Variants in GABBR2 observed in about 807,000 individuals in gnomAD.
GABBR2 encodes G-protein coupled receptor 51.
GABBR2 carries 23 observed loss-of-function variants against 105.6 expected under a neutral mutation model. The ratio of observed to expected loss-of-function variants is 0.22; its 90% CI spans 0.16 to 0.31. The LOEUF is 0.31. Ranked by LOEUF, GABBR2 falls within the 10% of genes least tolerant of loss-of-function variation. The probability of loss-of-function intolerance (pLI) is 1.00; values close to 1 mark genes in which losing one functional copy is unlikely to be tolerated. For synonymous variants in GABBR2, 478 were observed against 499.7 expected, an observed-to-expected ratio of 0.96 and a Z score of 0.58; for missense variants, 734 against 1,245.5, an observed-to-expected ratio of 0.59 and a Z score of 6.18.
chr9:98,608,353 CCTA>C (rs1426350541), intron 1 of GABBR2, among the ~76,000 whole-genome samples: 1 of 152,166 alleles, frequency 6.6e-6, no homozygotes, highest in African/African-American at 2.4e-5. Context: ...CTCTACTTTT[CCTA>C]CTTTTTCTTT....
chr9:98,681,160 T>C (rs1026953364), intron 1 of GABBR2, among the ~76,000 whole-genome samples: 22 of 147,408 alleles, frequency 1.5e-4, no homozygotes, highest in Non-Finnish European at 3.1e-4. Context: ...TATTGCGGCA[T>C]TATTCACAAT....
intron 5 of GABBR2, among the ~76,000 whole-genome samples, chr9:98,479,708 T>C (rs1278375988): frequency 6.6e-5 from 10 of 152,120 alleles, no homozygotes; most frequent in Non-Finnish European, 1.3e-4. Context: ...CTAGGTGGGG[T>C]CTCTCCAGCA....
At chr9:98,339,152 AG>A (rs1462166374) in intron 13 of GABBR2, among the ~76,000 whole-genome samples, 1 of 152,138 alleles carries the variant, frequency 6.6e-6, no homozygotes, top group South Asian at 2.1e-4. Flanking sequence ...GGATAAAAGA[AG>A]GTTTCTTTTT....
intron 13 of GABBR2, among the ~76,000 whole-genome samples, chr9:98,325,857 C>T (rs1248538507): frequency 6.6e-6 from 1 of 152,206 alleles, no homozygotes; most frequent in Non-Finnish European, 1.5e-5. Flanking sequence ...TGTTCTCACA[C>T]ATATACATGC....
At chr9:98,612,723 G>C (rs1418816406) in intron 1 of GABBR2, among the ~76,000 whole-genome samples, 4 of 152,124 alleles carry the variant, frequency 2.6e-5, no homozygotes, top group East Asian at 1.9e-4. Flanking sequence ...AAATTCTCAG[G>C]GGGGAAAAAA....
chr9:98,705,027 T>A (rs1211367982), intron 1 of GABBR2, among the ~76,000 whole-genome samples: 5 of 152,220 alleles, frequency 3.3e-5, no homozygotes. Flanking sequence ...ATTTACCTTT[T>A]TACCTTGACT....
intron 7 of GABBR2, among the ~76,000 whole-genome samples, chr9:98,424,807 A>C (rs532099372): frequency 6.6e-6 from 1 of 152,344 alleles, no homozygotes; most frequent in East Asian, 1.9e-4. Flanking sequence ...GGCGAACTAC[A>C]AACCACTGCT....
rs757625488 is a variant in GABBR2 at position 98,566,855 on chromosome 9, AAAGAAG to A, written c.459+11074_459+11079del. 1.7e-3 allele frequency among the ~76,000 whole-genome samples: 265 copies of A among 151,640 alleles called. 1 individual carries two copies. Among genetic ancestry groups the A allele is most frequent in the Middle Eastern group, 0.01 (3 of 294 alleles). On this transcript the variant is annotated intron_variant, in intron 2 of 18. Transcript: ENST00000259455. Reference sequence around the variant, plus strand: ...AGAAAAAGAAATAAGAAAGAAGAAGAAAGAAGAAGAAGAAGATTACATGCCTGCTGG... The same window carrying A: ...AGAAAAAGAAATAAGAAAGAAGAAGAAAGAAGAAGATTACATGCCTGCTGG...
intron 1 of GABBR2, among the ~76,000 whole-genome samples, chr9:98,586,260 T>C (rs1285564110): frequency 1.3e-5 from 2 of 150,788 alleles, no homozygotes; most frequent in Non-Finnish European, 3.0e-5. Flanking sequence ...TTTGCATTTA[T>C]CCTTCTTTTC....
chr9:98,655,902 T>A (rs1014369404), intron 1 of GABBR2, among the ~76,000 whole-genome samples: 10 of 152,018 alleles, frequency 6.6e-5, no homozygotes, highest in African/African-American at 2.4e-4. Context: ...GGTTGATGGG[T>A]GCAGCAAACC....
intron 13 of GABBR2, among the ~76,000 whole-genome samples, chr9:98,361,791 T>C (rs1187648501): frequency 6.6e-6 from 1 of 152,214 alleles, no homozygotes; most frequent in Admixed American, 6.5e-5. Flanking sequence ...TATGGCATTC[T>C]CTGCTGCTGC....
chr9:98,368,023 C>G (rs1376015813), intron 12 of GABBR2, among the ~76,000 whole-genome samples: 1 of 151,998 alleles, frequency 6.6e-6, no homozygotes, highest in Non-Finnish European at 1.5e-5. Flanking sequence ...TGGCCCTGAT[C>G]CCCTCTGTGC....
At chr9:98,647,844 T>A (rs1343271088) in intron 1 of GABBR2, among the ~76,000 whole-genome samples, 1 of 152,182 alleles carries the variant, frequency 6.6e-6, no homozygotes, top group Non-Finnish European at 1.5e-5. Flanking sequence ...CTGGCTCTGA[T>A]ACGAAGGTTA....
intron 3 of GABBR2, among the ~76,000 whole-genome samples, chr9:98,525,628 G>A (rs183351429): frequency 9.8e-5 from 15 of 152,324 alleles, no homozygotes; most frequent in African/African-American, 2.9e-4. Context: ...AATGTTAAAC[G>A]TAGAGTTACC....
intron 1 of GABBR2, among the ~76,000 whole-genome samples, chr9:98,632,396 G>A (rs1012609381): frequency 1.3e-5 from 2 of 152,158 alleles, no homozygotes; most frequent in Non-Finnish European, 2.9e-5. Context: ...ATTCAGTGTG[G>A]CAGTTTTAAA....
At chr9:98,557,084 A>T (rs1470818316) in intron 2 of GABBR2, among the ~76,000 whole-genome samples, 2 of 152,114 alleles carry the variant, frequency 1.3e-5, no homozygotes, top group African/African-American at 4.8e-5. Flanking sequence ...TGGAATATGA[A>T]CATGTTTTAT....
In GABBR2 at chr9:98,549,655, C is replaced by A. The variant is rs137885703; in HGVS notation, c.460-7612G>T. Among the ~76,000 whole-genome samples, 817 of 152,312 alleles carry A rather than the reference C, an allele frequency of 5.4e-3. 12 individuals carry two copies. Among genetic ancestry groups the A allele is most frequent in the African/African-American group, 0.019 (774 of 41,564 alleles). Reference sequence around the variant, plus strand: ...TCATCCCATACTGGCCAGCTCTGGGCACTGAATGGGGTTTTTGCCCACCGC... The same window carrying A: ...TCATCCCATACTGGCCAGCTCTGGGAACTGAATGGGGTTTTTGCCCACCGC... On this transcript the variant is annotated intron_variant, in intron 2 of 18. Transcript: ENST00000259455.
intron 1 of GABBR2, among the ~76,000 whole-genome samples, chr9:98,631,909 C>T (rs918284870): frequency 5.3e-5 from 8 of 152,170 alleles, no homozygotes; most frequent in African/African-American, 1.9e-4. Flanking sequence ...TGAAATTTTA[C>T]AGCTAATTTA....
chr9:98,577,723 G>A (rs1361650399), intron 2 of GABBR2, among the ~76,000 whole-genome samples: 8 of 152,178 alleles, frequency 5.3e-5, no homozygotes, highest in South Asian at 2.1e-4. Context: ...TCAAATACAT[G>A]GTGATAGCAT....
Sources: allele counts gnomAD v4.1 joint callset (sites outside exome capture counted in the v4.1 genomes callset), GRCh38; gene constraint gnomAD v4.1.1; transcripts MANE v1.5; gene names NCBI Gene and HGNC (gene_info 2026-07-23, HGNC 2026-07-21).